The following HLA-DQA2 variants were observed in gnomAD, a reference collection of about 807,000 sequenced individuals.
HLA-DQA2 encodes the protein HLA class II histocompatibility antigen, DQ alpha 2 chain.
Under a neutral mutation model 21.0 loss-of-function variants are expected in HLA-DQA2, and 17 were observed. That is an observed-to-expected ratio of 0.81 (90% CI 0.56 to 1.22). The LOEUF is 1.22. Among genes scored for constraint, HLA-DQA2 ranks in the 50% most tolerant of loss-of-function variants. The pLI is 0.00. For missense variants in HLA-DQA2, 239 were observed against 308.8 expected, an observed-to-expected ratio of 0.77 and a Z score of 1.69; for synonymous variants, 81 against 116.5, an observed-to-expected ratio of 0.70 and a Z score of 1.96.
At chr6:32,744,377 T>C (rs1648456708) in intron 1 of HLA-DQA2, among the ~76,000 whole-genome samples, 1 of 151,714 alleles carries the variant, frequency 6.6e-6, no homozygotes, top group Non-Finnish European at 1.5e-5. Flanking sequence ...CTCGAGTGAA[T>C]GTAATTGTTG....
At chr6:32,741,578 G>A in intron 1 of HLA-DQA2, 53 bp downstream of exon 1, 2 of 1,500,978 alleles carry the variant, frequency 1.3e-6, no homozygotes, top group Non-Finnish European at 1.8e-6. Context: ...GTAAATTAAA[G>A]GAAAAGAGAG....
At chr6:32,742,192 G>C (rs544237085) in intron 1 of HLA-DQA2, among the ~76,000 whole-genome samples, 1 of 152,272 alleles carries the variant, frequency 6.6e-6, no homozygotes, top group South Asian at 2.1e-4. Context: ...AAACATGAAT[G>C]TCAACTTTTT....
At position 32,746,275 on chromosome 6, in the gene HLA-DQA2, G is replaced by C; in HGVS notation, c.649G>C (p.Glu217Gln). ...EIPAPMSELTETLVCALGLSV... is the reference protein window; with the variant it reads ...EIPAPMSELTQTLVCALGLSV... ...TCCAGCCCCTATGTCAGAGCTCACAGAGACTTTGGTCTGCGCCCTGGGGTT... is the reference window on the plus strand; with the variant it reads ...TCCAGCCCCTATGTCAGAGCTCACACAGACTTTGGTCTGCGCCCTGGGGTT... Residue 217 changes from glutamate (E) to glutamine (Q), a missense_variant, in exon 4 of 5, where the codon GAG becomes CAG. Physicochemically the swap from Glu to Gln is conservative, Grantham distance 29 (BLOSUM62 2). Transcript: ENST00000374940. 1 of 1,613,096 alleles carries C rather than the reference G, an allele frequency of 6.2e-7. No individual in the cohort carries two copies.
Sources: gnomAD v4.1 joint callset for allele counts (sites outside exome capture counted in the v4.1 genomes callset) on GRCh38, gnomAD v4.1.1 for gene constraint, MANE v1.5 for transcripts, NCBI Gene and HGNC (gene_info 2026-07-23, HGNC 2026-07-21) for gene names.